Variants in LONP2 observed in about 807,000 individuals in gnomAD.
LONP2 encodes lon peptidase 2, peroxisomal, also known as lon protease homolog 2, peroxisomal.
Under a neutral mutation model 85.6 loss-of-function variants are expected in LONP2, and 60 were observed. The ratio of observed to expected loss-of-function variants is 0.70; its 90% CI spans 0.57 to 0.87. The LOEUF (loss-of-function observed/expected upper bound fraction) is 0.87. Ranked by LOEUF, LONP2 falls within the 40% of genes least tolerant of loss-of-function variation. The pLI is 0.00. For synonymous variants in LONP2, 395 were observed against 389.7 expected (o/e 1.01, Z -0.16); for missense variants, 860 against 1,063.5 (o/e 0.81, Z 2.66).
intron 6 of LONP2, among the ~76,000 whole-genome samples, chr16:48,269,176 A>G (rs1312718157): frequency 6.6e-6 from 1 of 151,130 alleles, no homozygotes; most frequent in East Asian, 1.9e-4. Context: ...CTGTGTGGCA[A>G]TTAGGCAATT....
Position 48,290,726 on chromosome 16 carries a change from C to T in LONP2, c.1384-5289C>T, listed in dbSNP as rs142911247. Among the ~76,000 whole-genome samples, 197 of 152,354 alleles carry T rather than the reference C, an allele frequency of 1.3e-3. 1 individual carries two copies. The highest frequency in any genetic ancestry group is 4.6e-3 in the African/African-American group (192 of 41,580). ...CCTGGGTGTGCTCAAATTCACCTTC[C>T]TGGAAGCTTCCTGACCTCAGTCCTT... On this transcript the variant is annotated intron_variant, in intron 8 of 14. Coordinates refer to ENST00000285737, the MANE Select transcript of LONP2 (RefSeq NM_031490.5).
chr16:48,347,495 T>A lies in LONP2; in HGVS notation c.1939-12T>A. 6.2e-7 allele frequency: 1 copy of A among 1,614,154 alleles called. No individual in the cohort carries two copies. The highest frequency in any genetic ancestry group is 8.5e-7 in the Non-Finnish European group (1 of 1,179,980). ...TTGCCAACCCAACTCTGATCATTCT[T>A]CTTCTTTCAAGGTATCTCAGCGTTT... On this transcript the variant is annotated splice_polypyrimidine_tract_variant and intron_variant, in intron 12 of 14. Coordinates refer to ENST00000285737, the MANE Select transcript of LONP2 (RefSeq NM_031490.5).
At chr16:48,349,943 A>T (rs1472995752) in intron 14 of LONP2, among the ~76,000 whole-genome samples, 1 of 152,188 alleles carries the variant, frequency 6.6e-6, no homozygotes, top group Non-Finnish European at 1.5e-5. Context: ...CTGGATGTGC[A>T]GTACCTTCAA....
intron 7 of LONP2, among the ~76,000 whole-genome samples, chr16:48,272,982 AT>A: frequency 6.6e-6 from 1 of 152,264 alleles, no homozygotes; most frequent in East Asian, 1.9e-4. Flanking sequence ...CAGCACAACC[AT>A]GGGTGTGCCT....
intron 12 of LONP2, among the ~76,000 whole-genome samples, chr16:48,343,066 C>T (rs556729632): frequency 3.9e-5 from 6 of 152,310 alleles, no homozygotes; most frequent in South Asian, 2.1e-4. Flanking sequence ...CAGGGAGGGA[C>T]GCTTGCCTCT....
At chr16:48,262,226 A>T (rs1308651604) in intron 5 of LONP2, among the ~76,000 whole-genome samples, 1 of 152,208 alleles carries the variant, frequency 6.6e-6, no homozygotes, top group Non-Finnish European at 1.5e-5. Context: ...TTTGTTATTA[A>T]ATATATGATA....
intron 12 of LONP2, among the ~76,000 whole-genome samples, chr16:48,338,192 T>G (rs1193875242): frequency 6.6e-6 from 1 of 152,188 alleles, no homozygotes; most frequent in East Asian, 1.9e-4. Context: ...AGAAAGAGTT[T>G]GATTCATTTA....
chr16:48,361,188 C>T (rs1960572907), downstream of LONP2: 1 of 198,448 alleles, frequency 5.0e-6, no homozygotes, highest in African/African-American at 2.4e-5. Flanking sequence ...CTCAAGATGG[C>T]TTGTCAGTTA....
chr16:48,361,497 T>C (rs1278419435), downstream of LONP2: 4 of 1,431,022 alleles, frequency 2.8e-6, no homozygotes, highest in South Asian at 3.5e-5. Flanking sequence ...CCGAAAGAGT[T>C]TTAGGTTGGC....
chr16:48,256,128 A>G (rs558739283), intron 2 of LONP2, among the ~76,000 whole-genome samples: 3 of 152,168 alleles, frequency 2.0e-5, no homozygotes, highest in Non-Finnish European at 4.4e-5. Context: ...CTGTCACAGG[A>G]TTAGAGATTT....
intron 6 of LONP2, among the ~76,000 whole-genome samples, chr16:48,267,492 G>T (rs1972014615): frequency 6.6e-6 from 1 of 152,090 alleles, no homozygotes; most frequent in African/African-American, 2.4e-5. Flanking sequence ...TAGAGACAGG[G>T]TTTCACTACA....
chr16:48,315,703 C>G (rs1287048300), intron 11 of LONP2, among the ~76,000 whole-genome samples: 1 of 152,094 alleles, frequency 6.6e-6, no homozygotes. Flanking sequence ...TTTGTATACT[C>G]TTTTATTGGT....
At chr16:48,308,115 C>T (rs1295789957) in intron 11 of LONP2, among the ~76,000 whole-genome samples, 2 of 152,164 alleles carry the variant, frequency 1.3e-5, no homozygotes, top group Admixed American at 1.3e-4. Context: ...GTAACCAAAA[C>T]AGCATGGTAC....
chr16:48,280,221 T>C (rs1355718745), intron 8 of LONP2, among the ~76,000 whole-genome samples: 2 of 152,180 alleles, frequency 1.3e-5, no homozygotes, highest in African/African-American at 4.8e-5. Context: ...AGACTTTCAG[T>C]TTAATTTATA....
At chr16:48,319,303 C>T (rs1334045024) in intron 11 of LONP2, among the ~76,000 whole-genome samples, 3 of 151,860 alleles carry the variant, frequency 2.0e-5, no homozygotes, top group Non-Finnish European at 1.5e-5. Flanking sequence ...ATCACTTGAG[C>T]CCAAGAGGTG....
intron 11 of LONP2, among the ~76,000 whole-genome samples, chr16:48,327,549 C>G (rs1207294163): frequency 6.6e-6 from 1 of 152,120 alleles, no homozygotes; most frequent in Non-Finnish European, 1.5e-5. Context: ...CCTCCACTTC[C>G]CGGGTTCAAG....
At chr16:48,279,305 G>T (rs1341774426) in intron 8 of LONP2, among the ~76,000 whole-genome samples, 1 of 152,118 alleles carries the variant, frequency 6.6e-6, no homozygotes, top group Non-Finnish European at 1.5e-5. Flanking sequence ...TAGGAGTGGG[G>T]CTTATCAACA....
At chr16:48,303,129 A>T (rs1471246229) in intron 10 of LONP2, 43 bp from the exon 11 acceptor site, 1 of 1,589,184 alleles carries the variant, frequency 6.3e-7, no homozygotes, top group African/African-American at 1.3e-5. Flanking sequence ...TATTTTTTTA[A>T]GTGGTATATA....
At chr16:48,277,131 G>A (rs1240204278) in intron 7 of LONP2, among the ~76,000 whole-genome samples, 2 of 152,346 alleles carry the variant, frequency 1.3e-5, no homozygotes, top group East Asian at 3.9e-4. Flanking sequence ...TGGGCAACTT[G>A]TAGCCAGAAT....
Sources: allele counts gnomAD v4.1 joint callset (sites outside exome capture counted in the v4.1 genomes callset), GRCh38; gene constraint gnomAD v4.1.1; transcripts MANE v1.5; gene names NCBI Gene and HGNC (gene_info 2026-07-23, HGNC 2026-07-21).